MTA3: variants seen among roughly 807,000 people sequenced by gnomAD.
MTA3 encodes the protein metastasis-associated protein MTA3.
A neutral mutation model predicts 83.5 loss-of-function variants in MTA3; 34 were observed. The ratio of observed to expected loss-of-function variants is 0.41; its 90% confidence interval spans 0.31 to 0.54. The LOEUF is 0.54. Among genes scored for constraint, MTA3 ranks in the 20% least tolerant of loss-of-function variants. MTA3 has a pLI of 0.33. For missense variants in MTA3, 761 were observed against 726.4 expected (o/e 1.05, Z -0.55); for synonymous variants, 303 against 252.7 (o/e 1.20, Z -1.89).
intron 16 of MTA3, among the ~76,000 whole-genome samples, chr2:42,725,675 CCT>C (rs969492364): frequency 3.3e-5 from 5 of 152,220 alleles, no homozygotes; most frequent in African/African-American, 1.2e-4. Flanking sequence ...GGTGCAGGCA[CCT>C]CTCAGGAGGT....
chr2:42,605,794 A>G (rs1683251501), intron 3 of MTA3, among the ~76,000 whole-genome samples: 1 of 117,034 alleles, frequency 8.5e-6, no homozygotes, highest in African/African-American at 3.3e-5. Flanking sequence ...GCGGCCGGGC[A>G]GAGGCGCCCC....
intron 2 of MTA3, among the ~76,000 whole-genome samples, chr2:42,547,147 T>G (rs183568410): frequency 5.3e-5 from 8 of 152,250 alleles, no homozygotes; most frequent in Admixed American, 3.9e-4. Flanking sequence ...AGTCTGGAAG[T>G]CTACTGATAA....
Position 42,754,110 on chromosome 2 carries a change from G to A in MTA3, c.*711G>A. The A allele has an allele frequency of 1.4e-5, 14 of 985,432 alleles. No individual in the cohort carries two copies. The highest frequency in any genetic ancestry group is 1.6e-5 in the Non-Finnish European group (13 of 829,970). 61.0% of individuals were successfully genotyped at this position (985,432 alleles called of 1,614,324 possible). On this transcript the variant is annotated 3_prime_UTR_variant, in exon 17 of 17. Transcript: ENST00000405094. ...GTGGTTGGAGAGAAACTGGTGTTCT[G>A]CCCGGCTCTGCTTGGTCACAGACAG... is the stretch of plus-strand genomic sequence containing the variant.
intron 16 of MTA3, among the ~76,000 whole-genome samples, chr2:42,746,364 G>C (rs1669428025): frequency 6.6e-6 from 1 of 152,132 alleles, no homozygotes; most frequent in Admixed American, 6.5e-5. Context: ...TTATTTTTCT[G>C]TTCTCTCACT....
intron 4 of MTA3, among the ~76,000 whole-genome samples, chr2:42,612,276 A>T (rs1684317549): frequency 6.6e-6 from 1 of 152,110 alleles, no homozygotes; most frequent in African/African-American, 2.4e-5. Flanking sequence ...AAGTAGTGGC[A>T]TGATCATAGC....
chr2:42,559,195 T>C (rs1677542358), intron 2 of MTA3, among the ~76,000 whole-genome samples: 1 of 152,150 alleles, frequency 6.6e-6, no homozygotes, highest in Non-Finnish European at 1.5e-5. Flanking sequence ...TATAAGCACC[T>C]GGGAGTCCCA....
At chr2:42,748,131 C>T (rs1048695459) in intron 16 of MTA3, among the ~76,000 whole-genome samples, 1 of 151,916 alleles carries the variant, frequency 6.6e-6, no homozygotes, top group South Asian at 2.1e-4. Context: ...TGGGTTCAAG[C>T]GATTCCCCTG....
intron 2 of MTA3, among the ~76,000 whole-genome samples, chr2:42,534,158 G>A (rs1258076341): frequency 6.6e-6 from 1 of 152,138 alleles, no homozygotes; most frequent in Non-Finnish European, 1.5e-5. Flanking sequence ...ATCCTAACAT[G>A]TTCGGTAGGA....
intron 4 of MTA3, among the ~76,000 whole-genome samples, chr2:42,622,001 G>T (rs1476369122): frequency 6.6e-6 from 1 of 152,080 alleles, no homozygotes; most frequent in Non-Finnish European, 1.5e-5. Flanking sequence ...CCCAGACGGG[G>T]TGGCGGCCGG....
intron 1 of MTA3, chr2:42,569,370 A>T (rs1369151052): frequency 6.6e-6 from 1 of 152,162 alleles, no homozygotes; most frequent in Non-Finnish European, 1.5e-5. Context: ...TGGGGAGTTG[A>T]GCTCTGCCTG....
At chr2:42,506,026 A>G (rs1438112382) in intron 2 of MTA3, among the ~76,000 whole-genome samples, 3 of 152,050 alleles carry the variant, frequency 2.0e-5, no homozygotes, top group African/African-American at 7.2e-5. Flanking sequence ...CGGCCTCCCA[A>G]AGTGCTAGGA....
chr2:42,656,380 C>G (rs1272944421), intron 7 of MTA3, 78 bp downstream of exon 7: 1 of 838,562 alleles, frequency 1.2e-6, no homozygotes, highest in African/African-American at 1.7e-5. Context: ...ATTTTTATTT[C>G]TTTGTATTCT....
At chr2:42,686,749 C>T (rs900710754) in intron 9 of MTA3, among the ~76,000 whole-genome samples, 3 of 151,948 alleles carry the variant, frequency 2.0e-5, no homozygotes, top group African/African-American at 7.3e-5. Context: ...ATCGCTGGAA[C>T]CCAGGAAGTG....
chr2:42,733,015 T>C (rs1668342905), intron 16 of MTA3, among the ~76,000 whole-genome samples: 1 of 152,210 alleles, frequency 6.6e-6, no homozygotes, highest in Admixed American at 6.5e-5. Flanking sequence ...TTCCCACATT[T>C]TCCTGACTTC....
chr2:42,711,777 A>ATGTGTGTGT (rs1311180640), intron 14 of MTA3, among the ~76,000 whole-genome samples: 5 of 148,536 alleles, frequency 3.4e-5, no homozygotes, highest in Non-Finnish European at 5.9e-5. Flanking sequence ...TATAGGAGAG[A>ATGTGTGTGT]GAGAGAGTGT....
chr2:42,598,473 C>T (rs1189359906), intron 3 of MTA3, among the ~76,000 whole-genome samples: 1 of 152,110 alleles, frequency 6.6e-6, no homozygotes, highest in Non-Finnish European at 1.5e-5. Context: ...AATTTTAGAC[C>T]TGTAAGGACC....
chr2:42,602,081 T>C (rs2104005069), intron 3 of MTA3, among the ~76,000 whole-genome samples: 1 of 152,366 alleles, frequency 6.6e-6, no homozygotes, highest in Middle Eastern at 3.4e-3. Context: ...CCTCAGGTGA[T>C]CCACCCATCT....
At chr2:42,568,551 G>A, upstream of MTA3, 1 of 318,072 alleles carries the variant, frequency 3.1e-6, no homozygotes, top group Non-Finnish European at 5.4e-6. Flanking sequence ...GCTGGGGGCG[G>A]GCACCAGCCC....
intron 2 of MTA3, among the ~76,000 whole-genome samples, chr2:42,540,826 C>A (rs1209603030): frequency 4.8e-5 from 7 of 146,434 alleles, no homozygotes; most frequent in Non-Finnish European, 1.0e-4. Context: ...CAGAGCAAGA[C>A]CCTGTCTCAA....
Sources: gnomAD v4.1 joint callset for allele counts (sites outside exome capture counted in the v4.1 genomes callset) on GRCh38, gnomAD v4.1.1 for gene constraint, MANE v1.5 for transcripts, NCBI Gene and HGNC (gene_info 2026-07-23, HGNC 2026-07-21) for gene names.